Variants in CHL1 observed in about 807,000 individuals in gnomAD.
The protein encoded by CHL1 is neural cell adhesion molecule L1-like protein.
Under a neutral mutation model 141.9 loss-of-function variants are expected in CHL1, and 96 were observed. That is an observed-to-expected ratio of 0.68 (90% confidence interval 0.57 to 0.80). The LOEUF is 0.80. Among genes scored for constraint, CHL1 ranks in the 30% least tolerant of loss-of-function variants. The pLI is 0.00. For missense variants in CHL1, 1,820 were observed against 1,457.2 expected (o/e 1.25, Z -4.05); for synonymous variants, 613 against 502.2 (o/e 1.22, Z -2.95).
chr3:280,913 CCACACACA>C (rs56209708), intron 2 of CHL1, among the ~76,000 whole-genome samples: 1 of 148,654 alleles, frequency 6.7e-6, no homozygotes, highest in African/African-American at 2.5e-5. Context: ...CACACATGCA[CCACACACA>C]CACACACACA....
Position 407,727 on chromosome 3 carries a change from G to T in CHL1, c.*2016G>T, listed in dbSNP as rs1463421407. On this transcript the variant is annotated 3_prime_UTR_variant, in exon 28 of 28. Transcript: ENST00000256509. Reference sequence around the variant, plus strand: ...CTTCTTTGTCATCAGCCAAAACGTGGTTTTTAAAGAGAGTCATGCAGGTTA... The same window carrying T: ...CTTCTTTGTCATCAGCCAAAACGTGTTTTTTAAAGAGAGTCATGCAGGTTA... The T allele has an allele frequency of 6.6e-6, 1 of 152,146 alleles. No individual in the cohort carries two copies. The allele number at this position is 152,146 out of a possible 1,614,324, so 9.4% of individuals were successfully genotyped here. A position where few individuals can be genotyped will look rare whatever the true frequency, so the allele number is the denominator to read the frequency against.
At chr3:393,393 A>T (rs1329261121) in intron 23 of CHL1, among the ~76,000 whole-genome samples, 1 of 152,072 alleles carries the variant, frequency 6.6e-6, no homozygotes, top group East Asian at 1.9e-4. Context: ...TTTGGTAAAG[A>T]TATAACTTCT....
rs1000739444 is a variant in CHL1, at chr3:404,719, T to A, written c.3459-776T>A. Among the ~76,000 whole-genome samples the A allele has an allele frequency of 2.0e-4, 30 of 152,108 alleles. 1 individual carries two copies. The highest frequency in any genetic ancestry group is 5.9e-5 in the Non-Finnish European group (4 of 68,022). On this transcript the variant is annotated intron_variant, in intron 27 of 27. Transcript: ENST00000256509. Reference sequence around the variant, plus strand: ...AACATTTTATCAGGATATAAGAGAATCAAAAGGATCAGAAGTAAAGGCAGA... The same window carrying A: ...AACATTTTATCAGGATATAAGAGAAACAAAAGGATCAGAAGTAAAGGCAGA...
chr3:266,629 T>C (rs1695181797), intron 2 of CHL1, among the ~76,000 whole-genome samples: 1 of 152,152 alleles, frequency 6.6e-6, no homozygotes, highest in African/African-American at 2.4e-5. Context: ...AGTGATTGTG[T>C]GGTTTTCCTG....
chr3:210,954 T>C (rs1699856470), intron 1 of CHL1, among the ~76,000 whole-genome samples: 1 of 152,314 alleles, frequency 6.6e-6, no homozygotes, highest in Non-Finnish European at 1.5e-5. Context: ...TGGCTGAGAA[T>C]ACTGTTGGCT....
chr3:332,108 C>T (rs1265843713), intron 5 of CHL1, among the ~76,000 whole-genome samples: 1 of 152,102 alleles, frequency 6.6e-6, no homozygotes, highest in African/African-American at 2.4e-5. Context: ...CCATACATAC[C>T]AGGAAGATTT....
In CHL1 at chr3:342,021, T is replaced by C. The variant is rs1471404063; in HGVS notation, c.618T>C (p.Ala206=). 3 of 1,613,558 alleles carry C rather than the reference T, an allele frequency of 1.9e-6. No individual in the cohort carries two copies. Among genetic ancestry groups the C allele is most frequent in the African/African-American group, 2.7e-5 (2 of 74,932 alleles). Residue 206 remains alanine (A), a synonymous_variant, in exon 7 of 28, where the codon GCT becomes GCC. Transcript: ENST00000256509. ...GTCGCAATGACTACTGTTGCTTTGC[T>C]GCATTTCCAAGATTAAGGACTATTG... is the stretch of plus-strand genomic sequence containing the variant. The part of the protein sequence containing the change: ...KDSRNDYCCF[A]AFPRLRTIVQ...
chr3:329,536 GTAT>G (rs1404114469), intron 5 of CHL1, among the ~76,000 whole-genome samples: 1 of 151,724 alleles, frequency 6.6e-6, no homozygotes, highest in African/African-American at 2.4e-5. Flanking sequence ...TAAGAAAATA[GTAT>G]TATCACACAA....
chr3:320,602 G>A (rs1372729833), intron 3 of CHL1, among the ~76,000 whole-genome samples: 2 of 151,976 alleles, frequency 1.3e-5, no homozygotes, highest in African/African-American at 4.8e-5. Context: ...CAGGAGGATT[G>A]CCTGAGCCCA....
At chr3:264,935 A>T (rs2125215590) in intron 2 of CHL1, among the ~76,000 whole-genome samples, 1 of 152,354 alleles carries the variant, frequency 6.6e-6, no homozygotes, top group South Asian at 2.1e-4. Context: ...GGAAAGAACT[A>T]CAGGAGAGCC....
intron 1 of CHL1, among the ~76,000 whole-genome samples, chr3:237,036 G>GC (rs1692056664): frequency 6.6e-6 from 1 of 152,196 alleles, no homozygotes; most frequent in Non-Finnish European, 1.5e-5. Context: ...CCTCTGACTT[G>GC]CCTTGGAATG....
At chr3:294,158 A>C (rs1158087105) in intron 2 of CHL1, among the ~76,000 whole-genome samples, 1 of 151,894 alleles carries the variant, frequency 6.6e-6, no homozygotes, top group African/African-American at 2.4e-5. Context: ...GTCTCTATAC[A>C]AAATTCAAAA....
At chr3:315,251 A>G (rs1700073142) in intron 2 of CHL1, among the ~76,000 whole-genome samples, 1 of 152,172 alleles carries the variant, frequency 6.6e-6, no homozygotes, top group Non-Finnish European at 1.5e-5. Context: ...CAGTTTGTAC[A>G]GCTGAGTGAG....
In CHL1 at chr3:405,725, A is replaced by G; in HGVS notation, c.*14A>G. 1 of 1,589,268 alleles carries G rather than the reference A, an allele frequency of 6.3e-7. No homozygotes were observed. Among genetic ancestry groups the G allele is most frequent in the East Asian group, 2.2e-5 (1 of 44,720 alleles). ...CTTCGGGCATAAACACAACATATGT[A>G]AGCAACGCTACTGGTTCACCCCAAC... On this transcript the variant is annotated 3_prime_UTR_variant, in exon 28 of 28. Transcript: ENST00000256509.
At chr3:357,133 A>G (rs1429505014) in intron 11 of CHL1, among the ~76,000 whole-genome samples, 1 of 152,210 alleles carries the variant, frequency 6.6e-6, no homozygotes, top group Non-Finnish European at 1.5e-5. Flanking sequence ...ACACAGCTGA[A>G]TAATGGTAGA....
chr3:364,606 T>C (rs1286275519), intron 14 of CHL1, among the ~76,000 whole-genome samples: 1 of 152,136 alleles, frequency 6.6e-6, no homozygotes, highest in Non-Finnish European at 1.5e-5. Context: ...TAAAAATATA[T>C]ACGAATCGTA....
Position 269,141 on chromosome 3 carries a change from A to G in CHL1, c.-95+24449A>G, listed in dbSNP as rs74368041. ...AAAAACTCAATTTCCCCAACCATCA[A>G]CCAGCTGCTCGGCTTGTGCACAAAA... is the stretch of plus-strand genomic sequence containing the variant. On this transcript the variant is annotated intron_variant, in intron 2 of 27. Transcript: ENST00000256509. Among the ~76,000 whole-genome samples, 1,197 of 152,292 alleles carry G rather than the reference A, an allele frequency of 7.9e-3. 16 individuals are homozygous for G. Among genetic ancestry groups the G allele is most frequent in the African/African-American group, 0.027 (1,137 of 41,560 alleles).
At chr3:298,395 C>T (rs1349842732) in intron 2 of CHL1, among the ~76,000 whole-genome samples, 1 of 146,454 alleles carries the variant, frequency 6.8e-6, no homozygotes, top group Non-Finnish European at 1.5e-5. Context: ...TTTCTTTCCA[C>T]ATAAGAGCAT....
chr3:349,241 C>A, intron 9 of CHL1, 118 bp from the exon 10 acceptor site: 1 of 781,734 alleles, frequency 1.3e-6, no homozygotes, highest in South Asian at 1.7e-5. Flanking sequence ...TGACGTGATT[C>A]AGTGGAATAT....
Sources: allele counts gnomAD v4.1 joint callset (sites outside exome capture counted in the v4.1 genomes callset), GRCh38; gene constraint gnomAD v4.1.1; transcripts MANE v1.5; gene names NCBI Gene and HGNC (gene_info 2026-07-23, HGNC 2026-07-21).